Variants in CCDC32 observed in about 807,000 individuals in gnomAD.
The protein encoded by CCDC32 is coiled-coil domain containing 32, also known as coiled-coil domain-containing protein 32.
Under a neutral mutation model 20.1 loss-of-function variants are expected in CCDC32, and 9 were observed. The observed-to-expected ratio is 0.45, with a 90% CI of 0.27 to 0.78. CCDC32 has a LOEUF of 0.78. Ranked by LOEUF, CCDC32 falls within the 30% of genes least tolerant of loss-of-function variation. The probability of loss-of-function intolerance (pLI) is 0.16; values close to 1 mark genes in which losing one functional copy is unlikely to be tolerated. For missense variants in CCDC32, 204 were observed against 215.5 expected, an observed-to-expected ratio of 0.95 and a Z score of 0.33; for synonymous variants, 63 against 79.0, an observed-to-expected ratio of 0.80 and a Z score of 1.07.
chr15:40,554,091 A>T lies in CCDC32; in HGVS notation c.438T>A (p.Asp146Glu). 1 of 1,614,026 alleles carries T rather than the reference A, an allele frequency of 6.2e-7. No individual in the cohort carries two copies. Among genetic ancestry groups the T allele is most frequent in the Non-Finnish European group, 8.5e-7 (1 of 1,179,980 alleles). The part of the protein sequence containing the change: ...LEHFKRWLQP[D>E]KVAVSTEEVQ... ...CCTCCTCTGTGCTGACGGCTACTTTATCTGGCTGGAGCCACCTCTTGAAAT... is the reference window on the plus strand; with the variant it reads ...CCTCCTCTGTGCTGACGGCTACTTTTTCTGGCTGGAGCCACCTCTTGAAAT... The change falls in exon 4 of 4, where the codon GAT (aspartate) becomes GAA (glutamate). Residue 146 changes from aspartate to glutamate, a missense_variant. Transcript: ENST00000416810.
downstream of CCDC32, chr15:40,539,070 T>C: frequency 1.6e-6 from 1 of 616,828 alleles, no homozygotes; most frequent in South Asian, 1.9e-5. Flanking sequence ...CTGTCCCACT[T>C]CTCAGCTTCT....
At chr15:40,560,629 A>T (rs1216462835) in intron 2 of CCDC32, among the ~76,000 whole-genome samples, 1 of 152,234 alleles carries the variant, frequency 6.6e-6, no homozygotes, top group Non-Finnish European at 1.5e-5. Flanking sequence ...AAATGCTCAA[A>T]ATCACTAATC....
At chr15:40,550,101 T>C (rs746111432), downstream of CCDC32, among the ~76,000 whole-genome samples, 6 of 152,186 alleles carry the variant, frequency 3.9e-5, no homozygotes, top group African/African-American at 7.2e-5. Flanking sequence ...GATGAGCACG[T>C]GTGTGTGCCG....
downstream of CCDC32, chr15:40,538,142 T>C (rs1889212000): frequency 6.6e-6 from 1 of 152,234 alleles, no homozygotes; most frequent in South Asian, 2.1e-4. Flanking sequence ...GGGACTGTAC[T>C]CCTGTATAAA....
downstream of CCDC32, chr15:40,553,074 G>A (rs1595890436): frequency 1.0e-6 from 1 of 971,592 alleles, no homozygotes; most frequent in Non-Finnish European, 1.2e-6. Context: ...GAGCAATCGA[G>A]TCAACAGCAC....
At chr15:40,550,918 CA>C (rs1176369689), downstream of CCDC32, among the ~76,000 whole-genome samples, 11 of 152,150 alleles carry the variant, frequency 7.2e-5, no homozygotes, top group African/African-American at 2.7e-4. Context: ...ATGACAGAAA[CA>C]CTATTTTCGG....
downstream of CCDC32, chr15:40,552,819 T>G (rs1332983055): frequency 2.7e-5 from 4 of 146,926 alleles, no homozygotes; most frequent in Non-Finnish European, 3.0e-5. Flanking sequence ...TCAGAAGATT[T>G]ATTTATTCTA....
exon 4 of CCDC32, chr15:40,528,708 G>C (rs921826352): frequency 2.9e-6 from 2 of 700,144 alleles, no homozygotes; most frequent in Non-Finnish European, 5.2e-6. Flanking sequence ...TGCAGGCCTT[G>C]TCCACAAGCG....
At chr15:40,549,016 G>T (rs543784379), downstream of CCDC32, among the ~76,000 whole-genome samples, 590 of 152,248 alleles carry the variant, frequency 3.9e-3, 10 homozygotes, top group African/African-American at 0.013. Context: ...AAGAAAAATT[G>T]AAGTAGAAAA....
chr15:40,529,953 GC>G (rs1888825664), downstream of CCDC32, among the ~76,000 whole-genome samples: 1 of 151,086 alleles, frequency 6.6e-6, no homozygotes, highest in African/African-American at 2.4e-5. Flanking sequence ...GAGCCACTGC[GC>G]CCAGCCGGTT....
At position 40,553,254 on chromosome 15, in the gene CCDC32, A is replaced by C. The variant is rs1889988407; in HGVS notation, c.*717T>G. 1.0e-6 allele frequency: 1 copy of C among 985,394 alleles called. No individual in the cohort carries two copies. The highest frequency in any genetic ancestry group is 1.2e-6 in the Non-Finnish European group (1 of 829,926). The allele number at this position is 985,394 out of a possible 1,614,324, so 61.0% of individuals were successfully genotyped here. The stretch of plus-strand genomic sequence containing the variant: ...ACACTAACACCATATTTACAAGTCT[A>C]ATTTGGAACCTGGCCCTTTTTAAGT... On this transcript the variant is annotated 3_prime_UTR_variant, in exon 4 of 4. Coordinates refer to ENST00000416810, the MANE Select transcript of CCDC32 (RefSeq NM_001080792.4).
chr15:40,539,035 G>A (rs1037846619), downstream of CCDC32: 4 of 581,004 alleles, frequency 6.9e-6, no homozygotes, highest in African/African-American at 5.6e-5. Context: ...CTAAAGCCCT[G>A]TCTCTCTCTT....
At chr15:40,541,942 A>G (rs1342916631) in intron 3 of CCDC32, among the ~76,000 whole-genome samples, 7 of 152,178 alleles carry the variant, frequency 4.6e-5, no homozygotes, top group Non-Finnish European at 7.3e-5. Flanking sequence ...TGTCATTATT[A>G]TCTAGGGAGG....
the CCDC32 span, among the ~76,000 whole-genome samples, chr15:40,522,076 T>C: frequency 1.3e-5 from 2 of 152,182 alleles, no homozygotes; most frequent in Non-Finnish European, 2.9e-5. Flanking sequence ...AAATATATGG[T>C]TTCTCCAAAG....
the CCDC32 span, among the ~76,000 whole-genome samples, chr15:40,522,945 A>G: frequency 1.3e-5 from 2 of 149,092 alleles, no homozygotes; most frequent in African/African-American, 4.9e-5. Context: ...TCCCGCCTCA[A>G]CCTCCCGAGT....
downstream of CCDC32, chr15:40,536,483 C>A (rs2924388): frequency 0.48 from 72,380 of 152,192 alleles, 19,402 homozygotes; most frequent in East Asian, 0.74. Flanking sequence ...CCAGCTGTTG[C>A]TGCTCCATTC....
chr15:40,522,675 T>C, the CCDC32 span, among the ~76,000 whole-genome samples: 1 of 152,164 alleles, frequency 6.6e-6, no homozygotes, highest in African/African-American at 2.4e-5. Flanking sequence ...ATGGTTCTAG[T>C]TTATTCTCAA....
At chr15:40,554,359 A>C (rs1890095546) in intron 3 of CCDC32, among the ~76,000 whole-genome samples, 1 of 152,170 alleles carries the variant, frequency 6.6e-6, no homozygotes, top group Non-Finnish European at 1.5e-5. Flanking sequence ...AGGCAGCAGC[A>C]GGCCCCCTTC....
chr15:40,556,966 C>A, intron 3 of CCDC32: 1 of 358,336 alleles, frequency 2.8e-6, no homozygotes, highest in Non-Finnish European at 4.9e-6. Flanking sequence ...ACATGGTTTC[C>A]AAACCTCATG....
Sources: allele counts gnomAD v4.1 joint callset (sites outside exome capture counted in the v4.1 genomes callset), GRCh38; gene constraint gnomAD v4.1.1; transcripts MANE v1.5; gene names NCBI Gene and HGNC (gene_info 2026-07-23, HGNC 2026-07-21).